LARGE1: variants seen among roughly 807,000 people sequenced by gnomAD.
LARGE1 encodes LARGE xylosyl- and glucuronyltransferase 1, also known as xylosyl- and glucuronyltransferase LARGE1.
A neutral mutation model predicts 87.6 loss-of-function variants in LARGE1; 43 were observed. That is an observed-to-expected ratio of 0.49 (90% CI 0.38 to 0.63). The LOEUF is 0.63. Among genes scored for constraint, LARGE1 ranks in the 30% least tolerant of loss-of-function variants. LARGE1 has a pLI of 0.00. For synonymous variants in LARGE1, 434 were observed against 394.6 expected (o/e 1.10, Z -1.18); for missense variants, 802 against 1,000.2 (o/e 0.80, Z 2.67).
the LARGE1 span, among the ~76,000 whole-genome samples, chr22:33,141,874 G>C: frequency 6.6e-6 from 1 of 151,982 alleles, no homozygotes; most frequent in African/African-American, 2.4e-5. Context: ...CCTGCAAAAG[G>C]GTCACACTTT....
At chr22:33,169,098 C>T (rs1263907455) in intron 11 of LARGE1, among the ~76,000 whole-genome samples, 1 of 152,128 alleles carries the variant, frequency 6.6e-6, no homozygotes, top group Non-Finnish European at 1.5e-5. Flanking sequence ...AGCAATGACT[C>T]CATTTCCAGA....
chr22:33,158,126 G>A (rs1480554601), downstream of LARGE1, among the ~76,000 whole-genome samples: 2 of 152,056 alleles, frequency 1.3e-5, no homozygotes, highest in African/African-American at 4.8e-5. Flanking sequence ...TACAAAGAAT[G>A]AGAGAAGGGA....
intron 9 of LARGE1, among the ~76,000 whole-genome samples, chr22:33,343,480 A>G (rs1294275416): frequency 6.6e-6 from 1 of 152,190 alleles, no homozygotes; most frequent in Non-Finnish European, 1.5e-5. Flanking sequence ...TAAATACATA[A>G]TACCTATTAT....
chr22:33,902,545 C>G (rs775551314), intron 1 of LARGE1, among the ~76,000 whole-genome samples: 34 of 152,190 alleles, frequency 2.2e-4, no homozygotes, highest in Non-Finnish European at 2.5e-4. Context: ...CAGTTCTCAT[C>G]TGTACGTTTT....
At chr22:33,521,795 A>G (rs1418452454) in intron 6 of LARGE1, among the ~76,000 whole-genome samples, 3 of 152,202 alleles carry the variant, frequency 2.0e-5, no homozygotes, top group African/African-American at 4.8e-5. Context: ...GTCCATTCAC[A>G]CTGCTATAAA....
At chr22:33,785,425 G>A (rs2085611070) in intron 1 of LARGE1, among the ~76,000 whole-genome samples, 1 of 151,912 alleles carries the variant, frequency 6.6e-6, no homozygotes, top group Non-Finnish European at 1.5e-5. Flanking sequence ...CTCACCCCAG[G>A]CCTGCCTGTT....
intron 1 of LARGE1, among the ~76,000 whole-genome samples, chr22:33,851,787 G>A (rs1454411076): frequency 1.3e-4 from 20 of 152,250 alleles, no homozygotes; most frequent in Admixed American, 1.1e-3. Flanking sequence ...TGTCAACAGA[G>A]CAGAAATTTT....
At chr22:33,387,030 G>C (rs913949035) in intron 7 of LARGE1, among the ~76,000 whole-genome samples, 1 of 148,702 alleles carries the variant, frequency 6.7e-6, no homozygotes, top group African/African-American at 2.4e-5. Context: ...CTTGAATCCA[G>C]GAGGCGGAGG....
intron 1 of LARGE1, among the ~76,000 whole-genome samples, chr22:33,786,983 T>C (rs1356176782): frequency 6.9e-6 from 1 of 144,360 alleles, no homozygotes; most frequent in African/African-American, 2.6e-5. Context: ...ATTGTGCCAC[T>C]GCACTCCAGC....
At chr22:33,375,641 T>G (rs370425664) in intron 9 of LARGE1, among the ~76,000 whole-genome samples, 4 of 152,350 alleles carry the variant, frequency 2.6e-5, no homozygotes, top group Admixed American at 6.5e-5. Flanking sequence ...GAATAAAAAT[T>G]ATCAATTCCT....
In LARGE1 at chr22:33,537,635, C is replaced by T. The variant is rs557724387; in HGVS notation, c.787+27213G>A. On this transcript the variant is annotated intron_variant, in intron 6 of 14. Coordinates refer to ENST00000397394, the MANE Select transcript of LARGE1 (RefSeq NM_133642.5). ...AGGCTGGAGTGCAATGGCGCAGTCT[C>T]GGTTCATTCCAACCTCCACCTCCTG... Among the ~76,000 whole-genome samples the T allele has an allele frequency of 1.9e-4, 29 of 152,262 alleles. No individual in the cohort carries two copies. The South Asian group carries it at 4.6e-3, about 24-fold the overall frequency.
intron 11 of LARGE1, among the ~76,000 whole-genome samples, chr22:33,309,334 GT>G (rs1385181729): frequency 6.6e-6 from 1 of 152,082 alleles, no homozygotes; most frequent in Non-Finnish European, 1.5e-5. Context: ...AGCTGGCTAA[GT>G]TTTCTATTTT....
chr22:33,227,643 T>A (rs1042551589), intron 11 of LARGE1, among the ~76,000 whole-genome samples: 2 of 152,214 alleles, frequency 1.3e-5, no homozygotes, highest in Non-Finnish European at 2.9e-5. Context: ...CTACCAAAGA[T>A]CATTTTAAAA....
intron 12 of LARGE1, 32 bp from the exon 13 acceptor site, chr22:33,283,380 T>A: frequency 6.2e-7 from 1 of 1,613,322 alleles, no homozygotes; most frequent in Non-Finnish European, 8.5e-7. Context: ...AGAGACAGAG[T>A]CCCTGTGACA....
chr22:33,090,459 T>C, the LARGE1 span, among the ~76,000 whole-genome samples: 1 of 152,020 alleles, frequency 6.6e-6, no homozygotes, highest in Non-Finnish European at 1.5e-5. Flanking sequence ...GGGCACAAGC[T>C]TGGAGGAGGT....
At chr22:33,882,822 T>G (rs1289982354) in intron 1 of LARGE1, among the ~76,000 whole-genome samples, 1 of 152,158 alleles carries the variant, frequency 6.6e-6, no homozygotes, top group East Asian at 1.9e-4. Flanking sequence ...ATGATTAACT[T>G]GAACTCCAAG....
intron 11 of LARGE1, among the ~76,000 whole-genome samples, chr22:33,263,515 G>C (rs1927759427): frequency 6.6e-6 from 1 of 152,216 alleles, no homozygotes; most frequent in Non-Finnish European, 1.5e-5. Context: ...GCCATGTAGA[G>C]AGCAGAGCTC....
intron 1 of LARGE1, among the ~76,000 whole-genome samples, chr22:33,769,322 A>C (rs1043682370): frequency 1.3e-5 from 2 of 152,202 alleles, no homozygotes; most frequent in African/African-American, 4.8e-5. Context: ...ACACTGACTT[A>C]GTGGTTGGAA....
At chr22:33,566,581 G>T (rs900702932) in intron 5 of LARGE1, among the ~76,000 whole-genome samples, 1 of 152,194 alleles carries the variant, frequency 6.6e-6, no homozygotes, top group Non-Finnish European at 1.5e-5. Context: ...GTGAGCAGCA[G>T]CAAGATTTAC....
Sources: gnomAD v4.1 joint callset for allele counts (sites outside exome capture counted in the v4.1 genomes callset) on GRCh38, gnomAD v4.1.1 for gene constraint, MANE v1.5 for transcripts, NCBI Gene and HGNC (gene_info 2026-07-23, HGNC 2026-07-21) for gene names.